PPFIA2: variants seen among roughly 807,000 people sequenced by gnomAD.
PPFIA2 encodes the protein liprin-alpha-2.
In PPFIA2, 46 loss-of-function variants were observed where a neutral mutation model predicts 175.5. The observed-to-expected ratio is 0.26, with a 90% confidence interval of 0.21 to 0.34. The LOEUF (loss-of-function observed/expected upper bound fraction) is 0.34, where lower values mean the gene tolerates loss of function less well. Among genes scored for constraint, PPFIA2 ranks in the 10% least tolerant of loss-of-function variants. PPFIA2 has a pLI of 1.00. For synonymous variants in PPFIA2, 568 were observed against 511.4 expected (o/e 1.11, Z -1.49); for missense variants, 1,179 against 1,506.1 (o/e 0.78, Z 3.60).
intron 4 of PPFIA2, among the ~76,000 whole-genome samples, chr12:81,628,782 C>G (rs1232042224): frequency 6.6e-6 from 1 of 152,152 alleles, no homozygotes; most frequent in Non-Finnish European, 1.5e-5. Context: ...CAACTGATTT[C>G]TAGAATGCAA....
At chr12:81,309,145 T>C (rs2050076499) in intron 22 of PPFIA2, among the ~76,000 whole-genome samples, 1 of 152,168 alleles carries the variant, frequency 6.6e-6, no homozygotes, top group African/African-American at 2.4e-5. Context: ...GTATATTGTT[T>C]CACTAAAATT....
At chr12:81,523,678 A>G (rs2063418090) in intron 4 of PPFIA2, among the ~76,000 whole-genome samples, 1 of 152,062 alleles carries the variant, frequency 6.6e-6, no homozygotes, top group Non-Finnish European at 1.5e-5. Flanking sequence ...CTGTGCTGCC[A>G]AAAAAACCTA....
intron 4 of PPFIA2, chr12:81,675,684 C>T (rs930934377): frequency 5.3e-5 from 8 of 152,004 alleles, no homozygotes; most frequent in African/African-American, 1.9e-4. Context: ...AATTACATCA[C>T]ATAAGCACTC....
chr12:81,685,072 A>C (rs1334932777), intron 3 of PPFIA2, among the ~76,000 whole-genome samples: 1 of 152,044 alleles, frequency 6.6e-6, no homozygotes, highest in Non-Finnish European at 1.5e-5. Flanking sequence ...AAAATCAATA[A>C]TGTTTATTTT....
chr12:81,690,443 AT>A (rs2075097003), intron 3 of PPFIA2, among the ~76,000 whole-genome samples: 3 of 152,056 alleles, frequency 2.0e-5, no homozygotes, highest in Non-Finnish European at 2.9e-5. Flanking sequence ...GATTTTTCGC[AT>A]CTTTACACTT....
At chr12:81,489,542 C>T (rs911904857) in intron 4 of PPFIA2, among the ~76,000 whole-genome samples, 1 of 151,782 alleles carries the variant, frequency 6.6e-6, no homozygotes, top group Non-Finnish European at 1.5e-5. Context: ...TTAACCTTTT[C>T]CCTACTTTTC....
chr12:81,436,296 A>AGTT, intron 7 of PPFIA2, among the ~76,000 whole-genome samples: 1 of 80,598 alleles, frequency 1.2e-5, no homozygotes, highest in Non-Finnish European at 2.7e-5. Flanking sequence ...AAAAAAAAAA[A>AGTT]AAAAAAAAAA....
intron 4 of PPFIA2, among the ~76,000 whole-genome samples, chr12:81,516,508 A>C (rs145723470): frequency 0.031 from 4,716 of 152,292 alleles, 110 homozygotes; most frequent in Middle Eastern, 0.088. Flanking sequence ...CGTTAAAAAT[A>C]AGTGATTTGG....
At chr12:81,645,007 G>A (rs1349087218) in intron 4 of PPFIA2, among the ~76,000 whole-genome samples, 3 of 151,936 alleles carry the variant, frequency 2.0e-5, no homozygotes, top group Non-Finnish European at 4.4e-5. Flanking sequence ...TAAAATTTTG[G>A]CTGGAACAGA....
chr12:81,303,886 C>G (rs1190665771), intron 22 of PPFIA2, among the ~76,000 whole-genome samples: 3 of 152,242 alleles, frequency 2.0e-5, no homozygotes, highest in East Asian at 1.9e-4. Flanking sequence ...ACTAATTAAC[C>G]AGGCGGGTGC....
intron 3 of PPFIA2, among the ~76,000 whole-genome samples, chr12:81,711,849 A>C (rs538758386): frequency 5.3e-5 from 8 of 150,754 alleles, no homozygotes; most frequent in Admixed American, 3.4e-4. Flanking sequence ...GTACCTTATC[A>C]GTGCCCCAAT....
chr12:81,309,642 A>T (rs2050223095), intron 22 of PPFIA2, among the ~76,000 whole-genome samples: 1 of 152,082 alleles, frequency 6.6e-6, no homozygotes, highest in Non-Finnish European at 1.5e-5. Context: ...AGATTCCAGT[A>T]AAACATGCTA....
At chr12:81,314,309 CAT>C (rs1281799239) in intron 22 of PPFIA2, among the ~76,000 whole-genome samples, 1 of 151,790 alleles carries the variant, frequency 6.6e-6, no homozygotes, top group Non-Finnish European at 1.5e-5. Context: ...CTTTTCTACA[CAT>C]ATTTATTTAT....
intron 4 of PPFIA2, among the ~76,000 whole-genome samples, chr12:81,576,144 T>C (rs977101097): frequency 6.6e-6 from 1 of 151,500 alleles, no homozygotes; most frequent in Non-Finnish European, 1.5e-5. Flanking sequence ...GGTGTGGTCA[T>C]GTGAAATGTG....
At chr12:81,487,217 C>T (rs567999673) in intron 4 of PPFIA2, among the ~76,000 whole-genome samples, 9 of 151,790 alleles carry the variant, frequency 5.9e-5, no homozygotes, top group Non-Finnish European at 7.4e-5. Flanking sequence ...AAAGGTGACC[C>T]CTGGAAAGAC....
At chr12:81,513,986 T>G (rs2062099319) in intron 4 of PPFIA2, among the ~76,000 whole-genome samples, 1 of 152,030 alleles carries the variant, frequency 6.6e-6, no homozygotes, top group Non-Finnish European at 1.5e-5. Context: ...CAAAGTCATA[T>G]TCAAGTATTT....
In PPFIA2 at chr12:81,258,427, C is replaced by G. The variant is rs2034421362; in HGVS notation, c.*1267G>C. The G allele has an allele frequency of 6.6e-6, 1 of 151,952 alleles. No homozygotes were observed. The highest frequency in any genetic ancestry group is 1.5e-5 in the Non-Finnish European group (1 of 67,988). The allele number at this position is 151,952 out of a possible 1,614,324, so 9.4% of individuals were successfully genotyped here. A position where few individuals can be genotyped will look rare whatever the true frequency, so the allele number is the denominator to read the frequency against. On this transcript the variant is annotated 3_prime_UTR_variant, in exon 33 of 33. Coordinates refer to ENST00000549396, the MANE Select transcript of PPFIA2 (RefSeq NM_003625.5). ...GAAATTACTAATGACAGGTCTTGCGCTTAATAAGATCAAGCAGCAGAAAAT... is the reference window on the plus strand; with the variant it reads ...GAAATTACTAATGACAGGTCTTGCGGTTAATAAGATCAAGCAGCAGAAAAT...
chr12:81,631,805 G>A (rs1277943704), intron 4 of PPFIA2, among the ~76,000 whole-genome samples: 2 of 152,198 alleles, frequency 1.3e-5, no homozygotes, highest in Non-Finnish European at 2.9e-5. Context: ...CTCGCCTCAA[G>A]TATAAAGTGA....
intron 4 of PPFIA2, among the ~76,000 whole-genome samples, chr12:81,523,742 C>T (rs1039023622): frequency 6.6e-6 from 1 of 152,124 alleles, no homozygotes; most frequent in Non-Finnish European, 1.5e-5. Flanking sequence ...TTTCTACTAA[C>T]TTAACAAGAC....
Sources: gnomAD v4.1 joint callset for allele counts (sites outside exome capture counted in the v4.1 genomes callset) on GRCh38, gnomAD v4.1.1 for gene constraint, MANE v1.5 for transcripts, NCBI Gene and HGNC (gene_info 2026-07-23, HGNC 2026-07-21) for gene names.